Variants in SWI5 observed in about 807,000 individuals in gnomAD.
SWI5 encodes the protein DNA repair protein SWI5 homolog.
A neutral mutation model predicts 17.0 loss-of-function variants in SWI5; 12 were observed. The ratio of observed to expected loss-of-function variants is 0.71; its 90% CI spans 0.45 to 1.14. The LOEUF (loss-of-function observed/expected upper bound fraction) is 1.14. SWI5 is among the 50% of genes most tolerant of loss of function. The pLI, the probability that SWI5 is intolerant of heterozygous loss-of-function variation, is 0.00. For synonymous variants in SWI5, 61 were observed against 64.0 expected (o/e 0.95, Z 0.22); for missense variants, 158 against 162.2 (o/e 0.97, Z 0.14).
At chr9:128,278,703 G>A (rs1394967906) in intron 2 of SWI5, 2 of 471,452 alleles carry the variant, frequency 4.2e-6, no homozygotes, top group African/African-American at 4.0e-5. Context: ...GAGTTCCAGA[G>A]AGATGAATAT....
intron 2 of SWI5, among the ~76,000 whole-genome samples, chr9:128,280,469 T>G (rs1409051738): frequency 1.3e-5 from 2 of 149,786 alleles, no homozygotes; most frequent in African/African-American, 4.9e-5. Flanking sequence ...CTGCCTCTTC[T>G]CCTTTCTAAT....
At chr9:128,278,762 T>G (rs920246204) in intron 2 of SWI5, 3 of 429,348 alleles carry the variant, frequency 7.0e-6, no homozygotes, top group African/African-American at 4.3e-5. Context: ...AACTGAGTTG[T>G]TTTTGGTTTT....
chr9:128,276,609 C>T, intron 1 of SWI5, 98 bp from the exon 2 acceptor site: 1 of 1,611,544 alleles, frequency 6.2e-7, no homozygotes, highest in Non-Finnish European at 8.5e-7. Context: ...CCTGGCGCTC[C>T]TACTTCCCAA....
rs1330335892 is a variant in SWI5, at chr9:128,276,764, T to A, written c.111+9T>A. 1.2e-6 allele frequency: 2 copies of A among 1,605,210 alleles called. No individual in the cohort carries two copies. The highest frequency in any genetic ancestry group is 1.7e-6 in the Non-Finnish European group (2 of 1,174,008). ...GGGCCTTCCGATCCCCTGTGAGTAT[T>A]TCTTCCCCCACACCCCCTTTCCCAT... On this transcript the variant is annotated intron_variant, in intron 2 of 4. Coordinates refer to ENST00000418976, the Ensembl canonical transcript of SWI5.
At chr9:128,284,767 C>G in intron 3 of SWI5, 136 bp downstream of exon 3, 1 of 1,043,134 alleles carries the variant, frequency 9.6e-7, no homozygotes, top group Non-Finnish European at 1.3e-6. Flanking sequence ...ACCAGCCTGG[C>G]CAACATGGCA....
upstream of SWI5, among the ~76,000 whole-genome samples, chr9:128,275,668 C>G (rs1002268389): frequency 1.3e-5 from 2 of 152,076 alleles, no homozygotes; most frequent in Non-Finnish European, 2.9e-5. Flanking sequence ...GAGCGGGGAG[C>G]CCCGGGAGCA....
At position 128,276,429 on chromosome 9, in the gene SWI5, T is replaced by G. The variant is rs1170334931; in HGVS notation, c.62+27T>G. ...TGGGCGAGGAACGGACTCCACAGTTTCTTTCCTGACTCCTCACAGCCCTGC... is the reference window on the plus strand; with the variant it reads ...TGGGCGAGGAACGGACTCCACAGTTGCTTTCCTGACTCCTCACAGCCCTGC... On this transcript the variant is annotated intron_variant, in intron 1 of 4. Coordinates refer to ENST00000418976, the Ensembl canonical transcript of SWI5. 7 of 1,608,800 alleles carry G rather than the reference T, an allele frequency of 4.4e-6. No homozygotes were observed. The East Asian group carries it at 1.6e-4, about 36-fold the overall frequency.
At chr9:128,278,778 T>G (rs911449167) in intron 2 of SWI5, 26 of 404,826 alleles carry the variant, frequency 6.4e-5, no homozygotes, top group African/African-American at 4.6e-4. Context: ...GTTTTTTTTG[T>G]TTTTTTTTAT....
chr9:128,276,084 G>A, upstream of SWI5: 1 of 1,571,700 alleles, frequency 6.4e-7, no homozygotes. Flanking sequence ...GAATGGGGGC[G>A]TGGCCTCAAA....
exon 2 of SWI5, chr9:128,276,751 C>T: frequency 6.2e-7 from 1 of 1,611,892 alleles, no homozygotes; most frequent in Non-Finnish European, 8.5e-7. Context: ...GCCTTCCGAT[C>T]CCCTGTGAGT....
intron 4 of SWI5, among the ~76,000 whole-genome samples, chr9:128,288,391 G>A (rs1432479021): frequency 2.0e-5 from 3 of 152,238 alleles, no homozygotes; most frequent in Non-Finnish European, 4.4e-5. Flanking sequence ...GGTCCAAGGA[G>A]TCCTTGTAGG....
rs547701096 is a variant in SWI5 at position 128,287,260 on chromosome 9, C to T, written c.328+1227C>T. Among the ~76,000 whole-genome samples, 9 of 151,100 alleles carry T rather than the reference C, an allele frequency of 6.0e-5. No homozygotes were observed. The South Asian group carries it at 6.2e-4, about 10-fold the overall frequency. ...AGGAGTTCAAGACCAGCCTGGCCAA[C>T]GCAGTGAAACCCTGTCTCTACTGAA... On this transcript the variant is annotated intron_variant, in intron 4 of 4. Transcript: ENST00000418976.
chr9:128,276,191 T>A (rs756914729), upstream of SWI5: 3 of 1,594,946 alleles, frequency 1.9e-6, no homozygotes, highest in East Asian at 6.7e-5. Context: ...CAACAAAAGC[T>A]GCGCACGCAA....
At chr9:128,275,442 C>G (rs1831263490), upstream of SWI5, 1 of 1,300,726 alleles carries the variant, frequency 7.7e-7, no homozygotes, top group Non-Finnish European at 9.8e-7. Context: ...GGACCCAGGT[C>G]CTTGGAGACC....
chr9:128,278,500 G>A, intron 2 of SWI5: 1 of 371,820 alleles, frequency 2.7e-6, no homozygotes, highest in South Asian at 2.0e-5. Context: ...CCAGGGGGTG[G>A]AGGTTGCAGT....
chr9:128,285,833 T>C lies in SWI5; in HGVS notation c.234-106T>C. Reference sequence around the variant, plus strand: ...GCTGTCACCATATCCCTAGTACCTATCACCGAGTAGGCCATTACAGATGCC... The same window carrying C: ...GCTGTCACCATATCCCTAGTACCTACCACCGAGTAGGCCATTACAGATGCC... On this transcript the variant is annotated intron_variant, in intron 3 of 4. Transcript: ENST00000418976. This position sits in a 1 kb window ranked among gnomAD's most constrained non-coding sequence, Gnocchi z 4.8. 1.4e-6 allele frequency: 1 copy of C among 732,468 alleles called. No homozygotes were observed. Among genetic ancestry groups the C allele is most frequent in the Admixed American group, 2.1e-5 (1 of 47,708 alleles). 45.4% of individuals were successfully genotyped at this position (732,468 alleles called of 1,614,324 possible). A position where few individuals can be genotyped will look rare whatever the true frequency, so the allele number is the denominator to read the frequency against.
intron 2 of SWI5, among the ~76,000 whole-genome samples, chr9:128,282,260 G>A (rs111515020): frequency 0.14 from 21,114 of 151,984 alleles, 1,535 homozygotes; most frequent in East Asian, 0.21. Flanking sequence ...GGTGACATGC[G>A]CCTGTAATCC....
intron 2 of SWI5, 135 bp from the exon 3 acceptor site, chr9:128,284,375 T>C: frequency 1.0e-6 from 1 of 1,000,818 alleles, no homozygotes; most frequent in African/African-American, 1.7e-5. Flanking sequence ...CAAGGAAGGC[T>C]TGGAAATGCA....
chr9:128,276,515 C>G (rs978192874), intron 1 of SWI5, 113 bp downstream of exon 1: 4 of 1,569,932 alleles, frequency 2.5e-6, no homozygotes, highest in Non-Finnish European at 3.5e-6. Context: ...TCCAGACAAC[C>G]CCCGTCTCAG....
Sources: gnomAD v4.1 joint callset for allele counts (sites outside exome capture counted in the v4.1 genomes callset) on GRCh38, gnomAD v4.1.1 for gene constraint, Gnocchi (gnomAD v3.1) non-coding constraint, MANE v1.5 for transcripts, NCBI Gene and HGNC (gene_info 2026-07-23, HGNC 2026-07-21) for gene names.